CNTN5: variants seen among roughly 807,000 people sequenced by gnomAD.
The protein encoded by CNTN5 is contactin 5.
In CNTN5, 77 loss-of-function variants were observed where a neutral mutation model predicts 129.1. The ratio of observed to expected loss-of-function variants is 0.60; its 90% CI spans 0.50 to 0.72. The LOEUF is 0.72. CNTN5 is among the 30% of genes least tolerant of loss of function. CNTN5 has a pLI of 0.00. For missense variants in CNTN5, 1,478 were observed against 1,328.8 expected, an observed-to-expected ratio of 1.11 and a Z score of -1.75; for synonymous variants, 509 against 465.6, an observed-to-expected ratio of 1.09 and a Z score of -1.20.
chr11:99,102,032 C>G (rs1866760031), intron 1 of CNTN5, among the ~76,000 whole-genome samples: 2 of 152,154 alleles, frequency 1.3e-5, no homozygotes, highest in African/African-American at 4.8e-5. Context: ...TCCCAAACCT[C>G]AATTCTTGAT....
At chr11:99,720,105 A>G (rs1156244400) in intron 3 of CNTN5, among the ~76,000 whole-genome samples, 2 of 152,154 alleles carry the variant, frequency 1.3e-5, no homozygotes, top group African/African-American at 2.4e-5. Context: ...CAGATGTACA[A>G]AGAAGATCTG....
At position 99,850,141 on chromosome 11, in the gene CNTN5, T is replaced by A. The variant is rs148556379; in HGVS notation, c.577+4879T>A. ...AGAAGTTTAACAGTTTAGGAGACAT[T>A]GAGTTTCTTTCCAGATCTGGAATTT... On this transcript the variant is annotated intron_variant, in intron 6 of 24. Coordinates refer to ENST00000524871, the MANE Select transcript of CNTN5 (RefSeq NM_014361.4). Among the ~76,000 whole-genome samples, 12 of 152,272 alleles carry A rather than the reference T, an allele frequency of 7.9e-5. No homozygotes were observed. The East Asian group carries it at 2.3e-3, about 29-fold the overall frequency.
intron 2 of CNTN5, among the ~76,000 whole-genome samples, chr11:99,459,953 T>C (rs912053302): frequency 1.3e-5 from 2 of 151,964 alleles, no homozygotes; most frequent in African/African-American, 4.8e-5. Context: ...CTAGTATTAC[T>C]AGACACATGG....
intron 1 of CNTN5, among the ~76,000 whole-genome samples, chr11:99,253,412 C>T (rs73534969): frequency 0.017 from 2,615 of 152,142 alleles, 89 homozygotes; most frequent in African/African-American, 0.06. Context: ...GCCATATTTA[C>T]GTCAACAACG....
intron 13 of CNTN5, among the ~76,000 whole-genome samples, chr11:100,132,860 TAC>T (rs1366725820): frequency 4.6e-5 from 7 of 152,276 alleles, no homozygotes; most frequent in African/African-American, 9.6e-5. Context: ...TATTTATGAT[TAC>T]ACAGTTTTTG....
chr11:99,203,286 C>T (rs1461977775), intron 1 of CNTN5, among the ~76,000 whole-genome samples: 2 of 152,150 alleles, frequency 1.3e-5, no homozygotes, highest in Non-Finnish European at 2.9e-5. Context: ...AGCCATTCTA[C>T]ACAGAATCAT....
chr11:99,941,108 G>A (rs1241088261), intron 7 of CNTN5, among the ~76,000 whole-genome samples: 1 of 151,972 alleles, frequency 6.6e-6, no homozygotes, highest in East Asian at 1.9e-4. Context: ...ATTTGTGAAA[G>A]CAATTAATAA....
intron 6 of CNTN5, among the ~76,000 whole-genome samples, chr11:99,877,935 G>A (rs189668372): frequency 1.3e-5 from 2 of 152,260 alleles, no homozygotes; most frequent in East Asian, 1.9e-4. Flanking sequence ...TTGCTTTGAA[G>A]GGTAGGATTC....
At chr11:100,084,057 G>A (rs754395744) in intron 13 of CNTN5, among the ~76,000 whole-genome samples, 2 of 152,026 alleles carry the variant, frequency 1.3e-5, no homozygotes, top group Non-Finnish European at 2.9e-5. Flanking sequence ...GACTTTACAT[G>A]TTACATCTCT....
At chr11:100,238,152 A>G (rs1949659167) in intron 16 of CNTN5, among the ~76,000 whole-genome samples, 1 of 152,182 alleles carries the variant, frequency 6.6e-6, no homozygotes, top group Admixed American at 6.5e-5. Context: ...TGTAGAATCA[A>G]GGTCTTTGGA....
At position 99,930,108 on chromosome 11, in the gene CNTN5, G is replaced by T. The variant is rs1950157320; in HGVS notation, c.673+13959G>T. 2.6e-5 allele frequency among the ~76,000 whole-genome samples: 4 copies of T among 152,144 alleles called. No individual in the cohort carries two copies. The South Asian group carries it at 8.3e-4, about 32-fold the overall frequency. ...TCGCAGTATGTAGAGTGACTTGCCA[G>T]TGTCTGGGAGGGGCCACATGCATCA... is the stretch of plus-strand genomic sequence containing the variant. On this transcript the variant is annotated intron_variant, in intron 7 of 24. Coordinates refer to ENST00000524871, the MANE Select transcript of CNTN5 (RefSeq NM_014361.4).
chr11:99,068,549 G>A (rs138916364), intron 1 of CNTN5, among the ~76,000 whole-genome samples: 12 of 152,264 alleles, frequency 7.9e-5, no homozygotes, highest in Admixed American at 1.3e-4. Context: ...AAGGATGCCC[G>A]TGAGAAGCAG....
chr11:100,332,844 A>G (rs1055271608), intron 21 of CNTN5, among the ~76,000 whole-genome samples: 2 of 152,128 alleles, frequency 1.3e-5, no homozygotes, highest in African/African-American at 4.8e-5. Context: ...AATATTATAA[A>G]TGGGGAAAAC....
chr11:99,842,543 T>G (rs1032224098), intron 4 of CNTN5, among the ~76,000 whole-genome samples: 5 of 152,206 alleles, frequency 3.3e-5, no homozygotes, highest in Non-Finnish European at 7.3e-5. Context: ...AATTTGAACT[T>G]ACATGTGTCC....
chr11:99,140,605 T>C (rs989587818), intron 1 of CNTN5, among the ~76,000 whole-genome samples: 1 of 152,178 alleles, frequency 6.6e-6, no homozygotes, highest in Non-Finnish European at 1.5e-5. Flanking sequence ...GATGTGTCCA[T>C]TCAGTATGAT....
chr11:100,298,857 C>T (rs893014761), intron 19 of CNTN5, among the ~76,000 whole-genome samples: 1 of 151,236 alleles, frequency 6.6e-6, no homozygotes, highest in Non-Finnish European at 1.5e-5. Flanking sequence ...ACATGTTAAT[C>T]CAAAGATCTT....
At chr11:99,343,897 T>A (rs936097312) in intron 2 of CNTN5, among the ~76,000 whole-genome samples, 6 of 151,878 alleles carry the variant, frequency 4.0e-5, no homozygotes, top group Admixed American at 1.3e-4. Flanking sequence ...CAAAAAAAAA[T>A]TTACAGACGC....
At chr11:99,980,933 C>G (rs978478812) in intron 8 of CNTN5, among the ~76,000 whole-genome samples, 4 of 151,114 alleles carry the variant, frequency 2.6e-5, no homozygotes, top group Non-Finnish European at 5.9e-5. Context: ...GAAGTATAAA[C>G]AGAAAAGCAA....
intron 6 of CNTN5, among the ~76,000 whole-genome samples, chr11:99,870,198 G>T (rs1268985863): frequency 2.0e-5 from 3 of 152,044 alleles, no homozygotes; most frequent in Admixed American, 2.0e-4. Flanking sequence ...GAAGAAGAAA[G>T]ACGTGATTTT....
Sources: allele counts gnomAD v4.1 joint callset (sites outside exome capture counted in the v4.1 genomes callset), GRCh38; gene constraint gnomAD v4.1.1; transcripts MANE v1.5; gene names NCBI Gene and HGNC (gene_info 2026-07-23, HGNC 2026-07-21).